Variants in AGBL1 observed in about 807,000 individuals in gnomAD.
AGBL1 encodes cytosolic carboxypeptidase 4.
AGBL1 carries 130 observed loss-of-function variants against 118.9 expected under a neutral mutation model. The ratio of observed to expected loss-of-function variants is 1.09; its 90% CI spans 0.95 to 1.26. The LOEUF (loss-of-function observed/expected upper bound fraction) is 1.26. Among genes scored for constraint, AGBL1 ranks in the 50% most tolerant of loss-of-function variants. AGBL1 has a pLI of 0.00. For synonymous variants in AGBL1, 555 were observed against 478.9 expected (o/e 1.16, Z -2.08); for missense variants, 1,584 against 1,298.1 (o/e 1.22, Z -3.38).
intron 23 of AGBL1, among the ~76,000 whole-genome samples, chr15:86,971,154 C>A (rs1940186085): frequency 6.6e-6 from 1 of 151,968 alleles, no homozygotes; most frequent in Admixed American, 6.6e-5. Flanking sequence ...GATCAAGTAC[C>A]CAAGATGAGC....
At chr15:86,810,934 A>T (rs2078780251) in intron 22 of AGBL1, among the ~76,000 whole-genome samples, 1 of 152,202 alleles carries the variant, frequency 6.6e-6, no homozygotes, top group Non-Finnish European at 1.5e-5. Flanking sequence ...ATGGACACAC[A>T]GAGGAGGAAG....
chr15:86,450,389 C>T (rs560104096), intron 18 of AGBL1, among the ~76,000 whole-genome samples: 11 of 152,210 alleles, frequency 7.2e-5, no homozygotes, highest in Non-Finnish European at 1.3e-4. Context: ...CTGGCTGGGT[C>T]GGATGTACAG....
intron 24 of AGBL1, among the ~76,000 whole-genome samples, chr15:87,003,491 C>CAG (rs1403058706): frequency 1.3e-5 from 2 of 152,074 alleles, no homozygotes; most frequent in African/African-American, 4.8e-5. Context: ...GCTGTCCTCA[C>CAG]AAAATGAGTT....
intron 6 of AGBL1, among the ~76,000 whole-genome samples, chr15:86,229,205 T>C (rs1477667462): frequency 2.0e-5 from 3 of 152,216 alleles, no homozygotes; most frequent in Admixed American, 6.5e-5. Flanking sequence ...TATTAGTCTG[T>C]TCTCATGCTG....
chr15:86,123,788 A>C (rs112598279), intron 1 of AGBL1, among the ~76,000 whole-genome samples: 1 of 152,218 alleles, frequency 6.6e-6, no homozygotes, highest in Non-Finnish European at 1.5e-5. Flanking sequence ...ACATGTTCTC[A>C]GGATCTCCTG....
At chr15:86,152,070 T>A (rs2077119547) in intron 3 of AGBL1, among the ~76,000 whole-genome samples, 1 of 152,172 alleles carries the variant, frequency 6.6e-6, no homozygotes. Context: ...GACAAATCAA[T>A]ATCGTGAAAA....
At chr15:86,598,693 G>A (rs1056340589) in intron 21 of AGBL1, among the ~76,000 whole-genome samples, 1 of 152,094 alleles carries the variant, frequency 6.6e-6, no homozygotes, top group African/African-American at 2.4e-5. Context: ...TGCTGTGACT[G>A]TCTGCACAAG....
chr15:86,646,384 C>A (rs577498763), intron 21 of AGBL1, among the ~76,000 whole-genome samples: 1 of 152,240 alleles, frequency 6.6e-6, no homozygotes, highest in South Asian at 2.1e-4. Context: ...CTAGACAGTC[C>A]TTCTCGAACT....
chr15:86,811,751 A>T (rs2078793491), intron 22 of AGBL1, among the ~76,000 whole-genome samples: 1 of 152,230 alleles, frequency 6.6e-6, no homozygotes. Context: ...ACAGTTTGAT[A>T]TAAGATGTGA....
chr15:86,946,287 C>T (rs534027810), intron 23 of AGBL1: 62 of 152,216 alleles, frequency 4.1e-4, no homozygotes, highest in African/African-American at 1.4e-3. Context: ...TGCCTGATGG[C>T]CAGAAAATTA....
At chr15:86,081,836 T>C (rs76761563) in intron 1 of AGBL1, among the ~76,000 whole-genome samples, 2,140 of 152,326 alleles carry the variant, frequency 0.014, 31 homozygotes, top group South Asian at 0.074. Flanking sequence ...AAAATGAATG[T>C]CCTGTAGTCG....
At chr15:86,225,238 C>T (rs1397915552) in intron 6 of AGBL1, among the ~76,000 whole-genome samples, 2 of 151,816 alleles carry the variant, frequency 1.3e-5, no homozygotes, top group African/African-American at 4.8e-5. Flanking sequence ...GGTATATTGA[C>T]TACTGTGGAG....
chr15:86,327,886 G>T (rs1490053981), intron 17 of AGBL1, among the ~76,000 whole-genome samples: 1 of 152,226 alleles, frequency 6.6e-6, no homozygotes, highest in South Asian at 2.1e-4. Flanking sequence ...GGGGTGTGTC[G>T]GGGTACGTCC....
At chr15:86,973,470 T>C (rs56383671) in intron 23 of AGBL1, among the ~76,000 whole-genome samples, 6,083 of 152,054 alleles carry the variant, frequency 0.04, 154 homozygotes, top group Middle Eastern at 0.068. Context: ...TCAGCCTACA[T>C]TCCTCTTCAG....
chr15:86,178,086 G>C (rs2077505395), intron 5 of AGBL1, among the ~76,000 whole-genome samples: 1 of 152,176 alleles, frequency 6.6e-6, no homozygotes, highest in Non-Finnish European at 1.5e-5. Context: ...GGCCAAGGTG[G>C]GCAGATCACG....
At chr15:86,649,582 A>G (rs922247277) in intron 21 of AGBL1, among the ~76,000 whole-genome samples, 1 of 152,166 alleles carries the variant, frequency 6.6e-6, no homozygotes, top group South Asian at 2.1e-4. Flanking sequence ...ATATATGCAA[A>G]TATGTGATTA....
intron 21 of AGBL1, among the ~76,000 whole-genome samples, chr15:86,588,580 G>A (rs142286194): frequency 0.024 from 3,644 of 152,316 alleles, 65 homozygotes; most frequent in Non-Finnish European, 0.038. Flanking sequence ...TTTGCCTGAA[G>A]TCAGACACCA....
intron 3 of AGBL1, among the ~76,000 whole-genome samples, chr15:86,148,702 T>C (rs927454557): frequency 2.0e-5 from 3 of 152,226 alleles, no homozygotes; most frequent in Admixed American, 6.5e-5. Context: ...GAAACCACTC[T>C]TCAGGATATT....
chr15:86,257,808 A>G (rs2078920909), intron 8 of AGBL1, among the ~76,000 whole-genome samples, 156 bp from the exon 9 acceptor site: 1 of 152,222 alleles, frequency 6.6e-6, no homozygotes, highest in African/African-American at 2.4e-5. Context: ...TATACCGACC[A>G]ATAAGCATTT....
Sources: gnomAD v4.1 joint callset for allele counts (sites outside exome capture counted in the v4.1 genomes callset) on GRCh38, gnomAD v4.1.1 for gene constraint, MANE v1.5 for transcripts, NCBI Gene and HGNC (gene_info 2026-07-23, HGNC 2026-07-21) for gene names.